Variants in NCF2 observed in about 807,000 individuals in gnomAD.
The protein encoded by NCF2 is neutrophil cytosol factor 2.
NCF2 carries 45 observed loss-of-function variants against 70.9 expected under a neutral mutation model. That is an observed-to-expected ratio of 0.63 (90% CI 0.50 to 0.81). NCF2 has a LOEUF of 0.81. NCF2 is among the 40% of genes least tolerant of loss of function. The pLI, the probability that NCF2 is intolerant of heterozygous loss-of-function variation, is 0.00. For synonymous variants in NCF2, 203 were observed against 233.6 expected (o/e 0.87, Z 1.19); for missense variants, 522 against 631.6 (o/e 0.83, Z 1.86).
At chr1:183,556,311 G>T in intron 14 of NCF2, 81 bp from the exon 15 acceptor site, 1 of 1,298,706 alleles carries the variant, frequency 7.7e-7, no homozygotes. Flanking sequence ...CACAGAATTT[G>T]TTATCTGTCA....
intron 2 of NCF2, among the ~76,000 whole-genome samples, chr1:183,578,599 C>T (rs1484546932): frequency 3.3e-5 from 5 of 152,188 alleles, no homozygotes; most frequent in African/African-American, 9.7e-5. Flanking sequence ...CTCCTGACCT[C>T]GACTGATCTG....
intron 2 of NCF2, 121 bp from the exon 3 acceptor site, chr1:183,577,828 C>A (rs1357172902): frequency 2.6e-6 from 2 of 764,428 alleles, no homozygotes; most frequent in African/African-American, 3.4e-5. Flanking sequence ...CTTTCAGTTC[C>A]TTTTGACCTG....
chr1:183,578,373 T>A (rs1672900850), intron 2 of NCF2, among the ~76,000 whole-genome samples: 2 of 152,270 alleles, frequency 1.3e-5, no homozygotes, highest in Admixed American at 6.5e-5. Flanking sequence ...TTTCTTTTTT[T>A]TTGAGACAGG....
intron 2 of NCF2, among the ~76,000 whole-genome samples, chr1:183,580,978 C>CA (rs11414367): frequency 0.46 from 57,009 of 124,992 alleles, 12,352 homozygotes; most frequent in Middle Eastern, 0.55. Flanking sequence ...GACTCCAACT[C>CA]AAAAAAAAAA....
At chr1:183,597,280 A>G in the NCF2 span, among the ~76,000 whole-genome samples, 1 of 152,180 alleles carries the variant, frequency 6.6e-6, no homozygotes, top group Non-Finnish European at 1.5e-5. Context: ...TTCTTTAGGA[A>G]GATTCCTGTC....
At chr1:183,582,398 C>G (rs1673158187) in intron 2 of NCF2, among the ~76,000 whole-genome samples, 1 of 152,228 alleles carries the variant, frequency 6.6e-6, no homozygotes, top group South Asian at 2.1e-4. Context: ...CCCCTCCCCT[C>G]CCAGGCAGGG....
Position 183,556,118 on chromosome 1 carries a change from C to G in NCF2, c.1581G>C (p.Ter527TyrextTer64), listed in dbSNP as rs768748386. Reference sequence around the variant, plus strand: ...TCAGCTTTGTAGTTTGTGAAACATCCTAGACTTCTCTCCGAGTGCTTTCCA... The same window carrying G: ...TCAGCTTTGTAGTTTGTGAAACATCGTAGACTTCTCTCCGAGTGCTTTCCA... ...TDLESTRREV[*>Y] is the part of the protein sequence containing the mutation. The change falls in exon 15 of 15, where the codon TAG becomes TAC. Residue 527 changes from the stop codon to tyrosine, a stop_lost. Coordinates refer to ENST00000367535, the MANE Select transcript of NCF2 (RefSeq NM_000433.4). 6.2e-7 allele frequency: 1 copy of G among 1,613,270 alleles called. No individual in the cohort carries two copies. The highest frequency in any genetic ancestry group is 1.3e-5 in the African/African-American group (1 of 74,924).
upstream of NCF2, among the ~76,000 whole-genome samples, chr1:183,593,498 C>T (rs1029557718): frequency 1.3e-5 from 2 of 152,110 alleles, no homozygotes; most frequent in African/African-American, 4.8e-5. Flanking sequence ...TCCTCCTCTC[C>T]CAAGAACTCC....
rs193283181 is a variant in NCF2 at position 183,567,848 on chromosome 1, C to T, written c.714-503G>A. On this transcript the variant is annotated intron_variant, in intron 7 of 14. Transcript: ENST00000367535. The stretch of plus-strand genomic sequence containing the variant: ...CGTGAGCAGGGTAGGTGACAGGGAG[C>T]GTGAGGGATGCACATAGAGGGCTCT... 4.0e-3 allele frequency among the ~76,000 whole-genome samples: 613 copies of T among 152,218 alleles called. 3 individuals are homozygous for T. The highest frequency in any genetic ancestry group is 6.8e-3 in the Middle Eastern group (2 of 294).
Position 183,566,903 on chromosome 1 carries a change from C to A in NCF2, c.924+17G>T, listed in dbSNP as rs768839146. The A allele has an allele frequency of 6.8e-6, 11 of 1,613,542 alleles. No homozygotes were observed. The highest frequency in any genetic ancestry group is 8.5e-6 in the Non-Finnish European group (10 of 1,179,974). On this transcript the variant is annotated intron_variant, in intron 9 of 14. Coordinates refer to ENST00000367535, the MANE Select transcript of NCF2 (RefSeq NM_000433.4). ...AAAGGGTGAGAGGAAATGGGTCAGG[C>A]CTTGGCATCACATTACCTGGGGCTG...
intron 14 of NCF2, among the ~76,000 whole-genome samples, chr1:183,559,308 A>G (rs34192123): frequency 6.6e-6 from 1 of 152,364 alleles, no homozygotes; most frequent in African/African-American, 2.4e-5. Context: ...GATTACAGGC[A>G]TGCTGTTTCA....
In NCF2 at chr1:183,556,125, TCTCTC is replaced by T. The variant is rs2102867375; in HGVS notation, c.1569_1573del (p.Arg524SerfsTer23). The T allele has an allele frequency of 1.9e-6, 3 of 1,613,840 alleles. No individual in the cohort carries two copies. The highest frequency in any genetic ancestry group is 2.2e-5 in the East Asian group (1 of 44,888). ...TGTAGTTTGTGAAACATCCTAGACTTCTCTCCGAGTGCTTTCCAAATCTGTAGTTG... is the reference window on the plus strand; with the variant it reads ...TGTAGTTTGTGAAACATCCTAGACTTCGAGTGCTTTCCAAATCTGTAGTTG... On this transcript the variant is annotated frameshift_variant, in exon 15 of 15. Transcript: ENST00000367535. LOFTEE classifies it high-confidence loss of function.
At chr1:183,594,872 C>T (rs528907231), upstream of NCF2, among the ~76,000 whole-genome samples, 2 of 152,170 alleles carry the variant, frequency 1.3e-5, no homozygotes, top group Non-Finnish European at 2.9e-5. Flanking sequence ...CTTTTTCATT[C>T]CTACATTTAG....
intron 5 of NCF2, among the ~76,000 whole-genome samples, chr1:183,572,529 A>G (rs954171505): frequency 6.6e-6 from 1 of 152,232 alleles, no homozygotes; most frequent in East Asian, 1.9e-4. Context: ...GTCTAAACAT[A>G]GGGCTGTGGA....
chr1:183,573,102 C>A (rs948634433), intron 5 of NCF2, 83 bp downstream of exon 5: 1 of 1,251,852 alleles, frequency 8.0e-7, no homozygotes, highest in African/African-American at 1.5e-5. Context: ...AGGAGGCTAC[C>A]CTCTTCTCAA....
intron 2 of NCF2, among the ~76,000 whole-genome samples, chr1:183,583,054 T>A (rs1400191513): frequency 6.6e-6 from 1 of 151,934 alleles, no homozygotes; most frequent in Non-Finnish European, 1.5e-5. Context: ...TCTGAGGGAA[T>A]TCCTTTTTTT....
chr1:183,595,236 G>A (rs992655866), upstream of NCF2, among the ~76,000 whole-genome samples: 1 of 152,140 alleles, frequency 6.6e-6, no homozygotes, highest in Non-Finnish European at 1.5e-5. Flanking sequence ...GCAGGGAGGA[G>A]ACCTCATTTA....
intron 1 of NCF2, among the ~76,000 whole-genome samples, chr1:183,588,943 G>C (rs977487479): frequency 2.6e-5 from 4 of 152,206 alleles, no homozygotes; most frequent in Non-Finnish European, 5.9e-5. Flanking sequence ...TCTTCTCCTG[G>C]ACAATGTGCA....
At chr1:183,572,330 A>T (rs1672604630) in intron 5 of NCF2, among the ~76,000 whole-genome samples, 1 of 152,210 alleles carries the variant, frequency 6.6e-6, no homozygotes. Context: ...GATTACAGGC[A>T]TGCACCGCAG....
Sources: allele counts gnomAD v4.1 joint callset (sites outside exome capture counted in the v4.1 genomes callset), GRCh38; gene constraint gnomAD v4.1.1; transcripts MANE v1.5; gene names NCBI Gene and HGNC (gene_info 2026-07-23, HGNC 2026-07-21).